Variants in ATP8A1 observed in about 807,000 individuals in gnomAD.
ATP8A1 encodes the protein ATPase phospholipid transporting 8A1.
A neutral mutation model predicts 177.7 loss-of-function variants in ATP8A1; 90 were observed. The ratio of observed to expected loss-of-function variants is 0.51; its 90% CI spans 0.43 to 0.60. The LOEUF is 0.60. Among genes scored for constraint, ATP8A1 ranks in the 20% least tolerant of loss-of-function variants. The pLI, the probability that ATP8A1 is intolerant of heterozygous loss-of-function variation, is 0.00. For missense variants in ATP8A1, 1,072 were observed against 1,392.8 expected, an observed-to-expected ratio of 0.77 and a Z score of 3.67; for synonymous variants, 493 against 485.9, an observed-to-expected ratio of 1.01 and a Z score of -0.19.
chr4:42,460,379 CTTTTTTTTTTT>C (rs35296572), intron 27 of ATP8A1, among the ~76,000 whole-genome samples: 3 of 94,588 alleles, frequency 3.2e-5, no homozygotes, highest in East Asian at 3.9e-4. Context: ...ATGGATGGAT[CTTTTTTTTTTT>C]TTTTTTTTTT....
chr4:42,501,109 G>C lies in ATP8A1; in HGVS notation c.2151+2341C>G, dbSNP rs1471592667. Among the ~76,000 whole-genome samples the C allele has an allele frequency of 2.0e-5, 3 of 152,176 alleles. 1 individual carries two copies. Among genetic ancestry groups the C allele is most frequent in the Admixed American group, 2.0e-4 (3 of 15,296 alleles). On this transcript the variant is annotated intron_variant, in intron 24 of 36. Transcript: ENST00000381668. ...GGAACAATATTTTAGTAGAAAATCTGAACAGAAAAATGCTCAATATGTATC... is the reference window on the plus strand; with the variant it reads ...GGAACAATATTTTAGTAGAAAATCTCAACAGAAAAATGCTCAATATGTATC...
chr4:42,544,105 G>A (rs1479354576), intron 19 of ATP8A1, 119 bp from the exon 20 acceptor site: 6 of 761,146 alleles, frequency 7.9e-6, no homozygotes, highest in Non-Finnish European at 1.3e-5. Context: ...CAAATCATGA[G>A]CCCTAACCTT....
chr4:42,464,665 G>T (rs1416961007), intron 27 of ATP8A1, 25 bp downstream of exon 27: 4 of 1,349,894 alleles, frequency 3.0e-6, no homozygotes, highest in Admixed American at 2.2e-5. Context: ...AAATGACAAG[G>T]ATTTAAAATT....
chr4:42,511,910 G>A, intron 22 of ATP8A1, among the ~76,000 whole-genome samples: 1 of 151,998 alleles, frequency 6.6e-6, no homozygotes, highest in East Asian at 1.9e-4. Context: ...TACAACATGG[G>A]CTATTTGGCA....
intron 24 of ATP8A1, among the ~76,000 whole-genome samples, chr4:42,493,246 T>C (rs879545070): frequency 6.6e-6 from 1 of 152,178 alleles, no homozygotes; most frequent in Admixed American, 6.5e-5. Context: ...AAACATACCC[T>C]ATGGCTCAGA....
intron 33 of ATP8A1, among the ~76,000 whole-genome samples, chr4:42,435,382 C>T (rs540812078): frequency 4.2e-5 from 6 of 142,392 alleles, no homozygotes; most frequent in East Asian, 2.1e-4. Context: ...GCTGAGATCA[C>T]GCCATTGTAC....
chr4:42,503,144 C>G (rs1724018031), intron 24 of ATP8A1, among the ~76,000 whole-genome samples: 2 of 152,190 alleles, frequency 1.3e-5, no homozygotes, highest in Non-Finnish European at 2.9e-5. Flanking sequence ...ATACAGAATA[C>G]TTGGATATGA....
chr4:42,507,981 C>T (rs535549105), intron 22 of ATP8A1, among the ~76,000 whole-genome samples: 6 of 152,150 alleles, frequency 3.9e-5, no homozygotes, highest in South Asian at 4.2e-4. Context: ...TAGTATTAGT[C>T]TCTGCAAGGA....
intron 12 of ATP8A1, among the ~76,000 whole-genome samples, chr4:42,576,144 T>C (rs1393980638): frequency 1.3e-5 from 2 of 152,140 alleles, no homozygotes; most frequent in African/African-American, 4.8e-5. Context: ...AGAGATTCTA[T>C]CTGGTTTTAC....
chr4:42,506,491 C>T (rs1465885828), intron 23 of ATP8A1, among the ~76,000 whole-genome samples: 4 of 152,060 alleles, frequency 2.6e-5, no homozygotes, highest in East Asian at 1.9e-4. Context: ...GTAGCCAGAA[C>T]GGACTAAGAC....
intron 9 of ATP8A1, among the ~76,000 whole-genome samples, chr4:42,585,495 G>A (rs1733524585): frequency 1.4e-5 from 2 of 145,322 alleles, no homozygotes; most frequent in Non-Finnish European, 3.0e-5. Context: ...AGAGGTCCGA[G>A]AGCCTCCGCC....
chr4:42,524,761 A>G lies in ATP8A1; in HGVS notation c.1807+2T>C, dbSNP rs1726509635. The G allele has an allele frequency of 6.3e-7, 1 of 1,594,134 alleles. No homozygotes were observed. Among genetic ancestry groups the G allele is most frequent in the Admixed American group, 1.7e-5 (1 of 59,130 alleles). On this transcript the variant is annotated splice_donor_variant, in intron 21 of 36. Coordinates refer to ENST00000381668, the MANE Select transcript of ATP8A1 (RefSeq NM_006095.2). LOFTEE classifies it high-confidence loss of function. ...CATGCTTTATTGCCAAATTACACTT[A>G]CCTTCTGTAGCAAACTGCTCTAAAT...
intron 15 of ATP8A1, chr4:42,561,408 C>A (rs931542876): frequency 6.6e-6 from 1 of 152,316 alleles, no homozygotes. Context: ...AGACATCCCT[C>A]TGGGAAAAGG....
At chr4:42,515,305 T>C (rs2153196496) in intron 22 of ATP8A1, among the ~76,000 whole-genome samples, 1 of 152,372 alleles carries the variant, frequency 6.6e-6, no homozygotes, top group Middle Eastern at 3.4e-3. Context: ...AAGTGATATG[T>C]GCAGCTACTA....
chr4:42,432,165 C>T (rs1353798240), intron 33 of ATP8A1, among the ~76,000 whole-genome samples: 7 of 152,104 alleles, frequency 4.6e-5, no homozygotes, highest in African/African-American at 1.7e-4. Context: ...TCTCAGTGGA[C>T]TGGAAGATCT....
intron 20 of ATP8A1, among the ~76,000 whole-genome samples, chr4:42,543,292 A>C (rs1284169357): frequency 6.6e-6 from 1 of 152,166 alleles, no homozygotes; most frequent in African/African-American, 2.4e-5. Context: ...GTTATAAACT[A>C]GGTAAATGGA....
Position 42,556,019 on chromosome 4 carries a change from A to G in ATP8A1, c.1362T>C (p.Asp454=). The G allele has an allele frequency of 6.2e-7, 1 of 1,611,988 alleles. No individual in the cohort carries two copies. The highest frequency in any genetic ancestry group is 8.5e-7 in the Non-Finnish European group (1 of 1,178,880). The change falls in exon 16 of 37, where the codon GAT becomes GAC. Residue 454 remains aspartate (D), a synonymous_variant. Transcript: ENST00000381668. ...ATGATGAATCACTAAATGTTTTTTC[A>G]TCTCCAAACTGTGAGTTCTGCCTGA... The part of the protein sequence containing the change: ...PDEWQNSQFG[D]EKTFSDSSLL...
chr4:42,540,118 C>CA (rs1728234489), intron 20 of ATP8A1, among the ~76,000 whole-genome samples: 1 of 151,920 alleles, frequency 6.6e-6, no homozygotes, highest in South Asian at 2.1e-4. Context: ...AAAAGGTGGA[C>CA]AAAGGACATG....
chr4:42,468,166 T>C (rs1719993521), intron 25 of ATP8A1, among the ~76,000 whole-genome samples: 1 of 152,204 alleles, frequency 6.6e-6, no homozygotes, highest in African/African-American at 2.4e-5. Context: ...GAAAACAGTG[T>C]GGAGATTCCT....
Sources: gnomAD v4.1 joint callset for allele counts (sites outside exome capture counted in the v4.1 genomes callset) on GRCh38, gnomAD v4.1.1 for gene constraint, MANE v1.5 for transcripts, NCBI Gene and HGNC (gene_info 2026-07-23, HGNC 2026-07-21) for gene names.